CD163L1: variants seen among roughly 807,000 people sequenced by gnomAD.
The protein encoded by CD163L1 is CD163 molecule like 1, also known as scavenger receptor cysteine-rich type 1 protein M160.
CD163L1 carries 124 observed loss-of-function variants against 165.4 expected under a neutral mutation model. The ratio of observed to expected loss-of-function variants is 0.75; its 90% confidence interval spans 0.65 to 0.87. CD163L1 has a LOEUF of 0.87. Among genes scored for constraint, CD163L1 ranks in the 40% least tolerant of loss-of-function variants. The pLI, the probability that CD163L1 is intolerant of heterozygous loss-of-function variation, is 0.00. For missense variants in CD163L1, 1,525 were observed against 1,799.9 expected (o/e 0.85, Z 2.76); for synonymous variants, 585 against 662.2 (o/e 0.88, Z 1.79).
intron 4 of CD163L1, among the ~76,000 whole-genome samples, chr12:7,415,946 T>C (rs938071795): frequency 6.6e-6 from 1 of 152,178 alleles, no homozygotes; most frequent in African/African-American, 2.4e-5. Context: ...TACCCAGTAA[T>C]GGGATTGTTG....
At chr12:7,328,201 T>C in the CD163L1 span, 894 of 1,011,222 alleles carry the variant, frequency 8.8e-4, 1 homozygote, top group Non-Finnish European at 1.1e-3. Context: ...AAATTCAGTC[T>C]GAGTTCCATG....
chr12:7,396,255 GATAGAA>G lies in CD163L1; in HGVS notation c.1884_1889del (p.Ser629_Ile630del), dbSNP rs1316439926. On this transcript the variant is annotated inframe_deletion, in exon 8 of 20. Coordinates refer to ENST00000313599, the MANE Select transcript of CD163L1 (RefSeq NM_174941.6). ...AAGCGTTTCCCAGACCCATGCCAATGATAGAAGATGGGCAGTCCAGCTGGCTACACA... is the reference window on the plus strand; with the variant it reads ...AAGCGTTTCCCAGACCCATGCCAATGGATGGGCAGTCCAGCTGGCTACACA... 2.5e-6 allele frequency: 4 copies of G among 1,614,042 alleles called. No homozygotes were observed. In the African/African-American group the frequency reaches 5.3e-5, roughly 22 times the overall value.
intron 8 of CD163L1, among the ~76,000 whole-genome samples, chr12:7,383,180 C>T (rs1947448324): frequency 6.6e-6 from 1 of 152,150 alleles, no homozygotes; most frequent in Non-Finnish European, 1.5e-5. Flanking sequence ...AGCATGCCAC[C>T]CAAAGGTCTG....
chr12:7,389,694 T>A (rs1947604305), intron 8 of CD163L1, among the ~76,000 whole-genome samples: 1 of 152,002 alleles, frequency 6.6e-6, no homozygotes, highest in African/African-American at 2.4e-5. Context: ...AAAGGATAAA[T>A]GCTTGAGGGG....
chr12:7,399,644 A>T (rs1480462787), intron 6 of CD163L1, among the ~76,000 whole-genome samples: 1 of 148,164 alleles, frequency 6.7e-6, no homozygotes, highest in African/African-American at 2.5e-5. Flanking sequence ...TTGCTCTGTC[A>T]CCCAGGCTAG....
At chr12:7,409,602 C>G (rs750445342) in intron 4 of CD163L1, among the ~76,000 whole-genome samples, 1 of 152,226 alleles carries the variant, frequency 6.6e-6, no homozygotes. Flanking sequence ...CTCTCTTGCC[C>G]GCCTCTCACC....
chr12:7,339,556 CTA>C, the CD163L1 span, among the ~76,000 whole-genome samples: 1 of 152,132 alleles, frequency 6.6e-6, no homozygotes. Flanking sequence ...GTTCCACAGT[CTA>C]TGTGCCAGAT....
chr12:7,319,187 C>T, the CD163L1 span, among the ~76,000 whole-genome samples: 160 of 152,252 alleles, frequency 1.1e-3, 1 homozygote, highest in Non-Finnish European at 2.1e-3. Flanking sequence ...TCTTAAGGAG[C>T]ACACAACCTA....
At chr12:7,416,978 G>A (rs1948255052) in intron 4 of CD163L1, among the ~76,000 whole-genome samples, 2 of 152,072 alleles carry the variant, frequency 1.3e-5, no homozygotes, top group Non-Finnish European at 2.9e-5. Flanking sequence ...GCTTGATGGG[G>A]ATAGCATTGA....
At chr12:7,402,880 G>A (rs1947941838) in intron 6 of CD163L1, among the ~76,000 whole-genome samples, 1 of 152,078 alleles carries the variant, frequency 6.6e-6, no homozygotes, top group South Asian at 2.1e-4. Context: ...TGATCTTCCT[G>A]TGGTAGTCTC....
the CD163L1 span, chr12:7,324,388 T>G: frequency 6.2e-7 from 1 of 1,613,946 alleles, no homozygotes; most frequent in Non-Finnish European, 8.5e-7. Flanking sequence ...GATGATGTCA[T>G]TATATCCTCT....
At chr12:7,377,948 T>C (rs1947306637) in intron 9 of CD163L1, among the ~76,000 whole-genome samples, 1 of 152,212 alleles carries the variant, frequency 6.6e-6, no homozygotes, top group Admixed American at 6.5e-5. Flanking sequence ...TATATCTCCA[T>C]TCAATACAAG....
At chr12:7,382,217 T>C (rs950216204) in intron 8 of CD163L1, among the ~76,000 whole-genome samples, 5 of 151,986 alleles carry the variant, frequency 3.3e-5, no homozygotes, top group African/African-American at 1.2e-4. Flanking sequence ...TTGGGTCCCG[T>C]GTTCAGGAAT....
chr12:7,416,699 G>A (rs957411769), intron 4 of CD163L1, among the ~76,000 whole-genome samples: 28 of 152,028 alleles, frequency 1.8e-4, no homozygotes, highest in African/African-American at 6.8e-4. Context: ...GCTTGTTTTT[G>A]TCAGGTTTGT....
At chr12:7,335,762 G>A in the CD163L1 span, among the ~76,000 whole-genome samples, 1 of 152,254 alleles carries the variant, frequency 6.6e-6, no homozygotes, top group Non-Finnish European at 1.5e-5. Context: ...CTACTCATCT[G>A]ACAAAGGGCT....
chr12:7,362,839 T>A (rs1946932543), intron 18 of CD163L1, among the ~76,000 whole-genome samples: 1 of 151,394 alleles, frequency 6.6e-6, no homozygotes, highest in Non-Finnish European at 1.5e-5. Flanking sequence ...CATGCATTTT[T>A]ATAACAGCAC....
chr12:7,425,837 G>A (rs971951680), intron 4 of CD163L1, among the ~76,000 whole-genome samples: 3 of 150,886 alleles, frequency 2.0e-5, no homozygotes, highest in African/African-American at 4.8e-5. Flanking sequence ...AGATGCTGGC[G>A]AGGATGTGGA....
At chr12:7,399,519 CTCTTTCTTTCTCTTTCTT>C (rs1345786615) in intron 6 of CD163L1, among the ~76,000 whole-genome samples, 2 of 141,844 alleles carry the variant, frequency 1.4e-5, no homozygotes, top group Non-Finnish European at 3.0e-5. Context: ...CTCCCTCCCT[CTCTTTCTTTCTCTTTCTT>C]TCTTTCTTTC....
chr12:7,334,785 C>A, the CD163L1 span, among the ~76,000 whole-genome samples: 1 of 152,214 alleles, frequency 6.6e-6, no homozygotes, highest in Non-Finnish European at 1.5e-5. Flanking sequence ...TAAGCAACTT[C>A]AGCAAAGTAT....
Sources: gnomAD v4.1 joint callset for allele counts (sites outside exome capture counted in the v4.1 genomes callset) on GRCh38, gnomAD v4.1.1 for gene constraint, MANE v1.5 for transcripts, NCBI Gene and HGNC (gene_info 2026-07-23, HGNC 2026-07-21) for gene names.